The following C12orf57 variants were observed in gnomAD, a reference collection of about 807,000 sequenced individuals.
The protein encoded by C12orf57 is chromosome 12 open reading frame 57.
A neutral mutation model predicts 11.3 loss-of-function variants in C12orf57; 14 were observed. The observed-to-expected ratio is 1.24, with a 90% CI of 0.82 to 1.94. The LOEUF is 1.94. Among genes scored for constraint, C12orf57 ranks in the 30% most tolerant of loss-of-function variants. C12orf57 has a pLI of 0.00. For missense variants in C12orf57, 229 were observed against 172.4 expected (o/e 1.33, Z -1.84); for synonymous variants, 100 against 74.6 (o/e 1.34, Z -1.76).
upstream of C12orf57, chr12:6,943,793 C>A (rs1341309613): frequency 4.3e-6 from 4 of 935,068 alleles, no homozygotes; most frequent in Non-Finnish European, 5.8e-6. Context: ...TATATCCCAT[C>A]TTCTCTCCAA....
At chr12:6,943,886 T>TA (rs782163753), upstream of C12orf57, 171 of 1,029,684 alleles carry the variant, frequency 1.7e-4, 1 homozygote, top group African/African-American at 2.7e-3. Flanking sequence ...CCTCTTATGA[T>TA]GTTTGTTGCC....
chr12:6,945,366 G>C (rs782194590), intron 2 of C12orf57, among the ~76,000 whole-genome samples: 6 of 151,010 alleles, frequency 4.0e-5, no homozygotes, highest in Non-Finnish European at 8.9e-5. Flanking sequence ...ATTTTTGTTT[G>C]GGGGGGGTTG....
At chr12:6,944,974 T>A (rs1945764022) in intron 2 of C12orf57, 2 of 897,798 alleles carry the variant, frequency 2.2e-6, no homozygotes, top group Admixed American at 7.2e-5. Flanking sequence ...AACACGAAAT[T>A]GTTTTGTTTC....
At chr12:6,943,878 T>G (rs998478110), upstream of C12orf57, 6 of 996,774 alleles carry the variant, frequency 6.0e-6, no homozygotes, top group Non-Finnish European at 8.4e-6. Context: ...GGAAAGCCCC[T>G]CTTATGATGT....
At chr12:6,943,879 C>CTTATGAT (rs1945697861), upstream of C12orf57, 1 of 1,006,156 alleles carries the variant, frequency 9.9e-7, no homozygotes, top group Non-Finnish European at 1.4e-6. Context: ...GAAAGCCCCT[C>CTTATGAT]TTATGATGTT....
upstream of C12orf57, chr12:6,943,993 G>A (rs201147036): frequency 7.1e-5 from 113 of 1,588,600 alleles, 1 homozygote; most frequent in Middle Eastern, 1.8e-4. Flanking sequence ...GCCACGCCTG[G>A]GCGCTTCCGG....
At chr12:6,944,021 T>C (rs782252197), upstream of C12orf57, 17 of 1,606,986 alleles carry the variant, frequency 1.1e-5, no homozygotes, top group African/African-American at 1.9e-4. Flanking sequence ...GGATGCTGTT[T>C]CCTTTCCGCT....
Position 6,944,069 on chromosome 12 carries a change from T to C in C12orf57, c.-53T>C. 2 of 1,613,636 alleles carry C rather than the reference T, an allele frequency of 1.2e-6. No homozygotes were observed. The highest frequency in any genetic ancestry group is 1.7e-6 in the Non-Finnish European group (2 of 1,179,892). ...GGGAACGGTTGTAGGACGTGGCTCT[T>C]TATTCGTGAGTTTTCCATTTACCTC... On this transcript the variant is annotated 5_prime_UTR_variant, in exon 1 of 3. Coordinates refer to ENST00000229281, the MANE Select transcript of C12orf57 (RefSeq NM_138425.4).
chr12:6,943,985 C>T (rs781852027), upstream of C12orf57: 86 of 1,579,762 alleles, frequency 5.4e-5, no homozygotes, highest in East Asian at 7.2e-4. Flanking sequence ...AGGTTTGGGC[C>T]ACGCCTGGGC....
chr12:6,943,930 G>C (rs976266552), upstream of C12orf57: 11 of 1,330,572 alleles, frequency 8.3e-6, 1 homozygote, highest in African/African-American at 6.0e-5. Flanking sequence ...CAAAAATTAT[G>C]GGTAGTTTTG....
intron 2 of C12orf57, chr12:6,945,168 A>C: frequency 5.0e-6 from 1 of 198,716 alleles, no homozygotes; most frequent in Non-Finnish European, 1.0e-5. Flanking sequence ...CAGATTTTGG[A>C]TTTTCTAATT....
rs1279269404 is a variant in C12orf57, at chr12:6,944,603, G to T, written c.180G>T (p.Gln60His). 3 of 1,614,072 alleles carry T rather than the reference G, an allele frequency of 1.9e-6. No individual in the cohort carries two copies. The highest frequency in any genetic ancestry group is 1.3e-5 in the African/African-American group (1 of 74,954). ...MLQFVLPVAT[Q>H]IQQEVIKAYG... ...AATTCGTGCTGCCCGTGGCCACGCA[G>T]ATCCAGCAGGAGGTTATCAAAGCCT... Residue 60 changes from glutamine to histidine, a missense_variant, in exon 2 of 3, where the codon CAG (glutamine) becomes CAT (histidine). Transcript: ENST00000229281.
At chr12:6,943,816 C>T (rs115670517), upstream of C12orf57, 1,143 of 833,580 alleles carry the variant, frequency 1.4e-3, 2 homozygotes, top group African/African-American at 7.3e-3. Context: ...ACATACGCAG[C>T]AGTGTTACAG....
At chr12:6,944,443 G>A in intron 1 of C12orf57, 33 bp from the exon 2 acceptor site, 1 of 1,602,846 alleles carries the variant, frequency 6.2e-7, no homozygotes. Flanking sequence ...ACGCCTACCC[G>A]GGACGCCTCC....
chr12:6,943,827 C>A (rs782652720), upstream of C12orf57: 4 of 863,244 alleles, frequency 4.6e-6, no homozygotes, highest in Non-Finnish European at 6.5e-6. Flanking sequence ...AGTGTTACAG[C>A]TCTTTTAGAA....
rs375520323 is a variant in C12orf57, at chr12:6,944,074, C to T, written c.-48C>T. The T allele has an allele frequency of 1.7e-5, 27 of 1,613,434 alleles. No individual in the cohort carries two copies. Among genetic ancestry groups the T allele is most frequent in the South Asian group, 8.8e-5 (8 of 91,060 alleles). ...CGGTTGTAGGACGTGGCTCTTTATT[C>T]GTGAGTTTTCCATTTACCTCCGCTG... On this transcript the variant is annotated 5_prime_UTR_variant, in exon 1 of 3. Coordinates refer to ENST00000229281, the MANE Select transcript of C12orf57 (RefSeq NM_138425.4).
intron 2 of C12orf57, 77 bp downstream of exon 2, chr12:6,944,729 C>G (rs879986597): frequency 1.5e-5 from 24 of 1,591,568 alleles, no homozygotes; most frequent in Non-Finnish European, 2.1e-5. Flanking sequence ...GATCTGTGGG[C>G]CCATGAGCGG....
At chr12:6,943,848 A>AGGCTTTCTG, upstream of C12orf57, 1 of 899,164 alleles carries the variant, frequency 1.1e-6, no homozygotes, top group Non-Finnish European at 1.6e-6. Context: ...TTTGTCTAGT[A>AGGCTTTCTG]GGCTTTCTGG....
intron 2 of C12orf57, 144 bp from the exon 3 acceptor site, chr12:6,945,627 G>GA (rs1555146421): frequency 1.2e-6 from 1 of 823,426 alleles, no homozygotes; most frequent in Non-Finnish European, 2.1e-6. Flanking sequence ...AAACCACACG[G>GA]GACAGAGGCC....
Sources: allele counts gnomAD v4.1 joint callset (sites outside exome capture counted in the v4.1 genomes callset), GRCh38; gene constraint gnomAD v4.1.1; transcripts MANE v1.5; gene names NCBI Gene and HGNC (gene_info 2026-07-23, HGNC 2026-07-21).